ALKBH8: variants seen among roughly 807,000 people sequenced by gnomAD.
ALKBH8 encodes the protein tRNA (carboxymethyluridine(34)-5-O)-methyltransferase ALKBH8.
In ALKBH8, 36 loss-of-function variants were observed where a neutral mutation model predicts 59.8. The observed-to-expected ratio is 0.60, with a 90% CI of 0.46 to 0.79. The LOEUF is 0.79. Among genes scored for constraint, ALKBH8 ranks in the 30% least tolerant of loss-of-function variants. The probability of loss-of-function intolerance (pLI) is 0.00; values close to 1 mark genes in which losing one functional copy is unlikely to be tolerated. For synonymous variants in ALKBH8, 276 were observed against 273.6 expected (o/e 1.01, Z -0.09); for missense variants, 768 against 801.0 (o/e 0.96, Z 0.50).
In ALKBH8 at chr11:107,504,558, C is replaced by A; in HGVS notation, c.*100G>T. The A allele has an allele frequency of 3.4e-6, 5 of 1,449,558 alleles. No individual in the cohort carries two copies. The highest frequency in any genetic ancestry group is 4.7e-6 in the Non-Finnish European group (5 of 1,060,312). 89.8% of individuals were successfully genotyped at this position (1,449,558 alleles called of 1,614,324 possible). A position where few individuals can be genotyped will look rare whatever the true frequency, so the allele number is the denominator to read the frequency against. ...TTTCTCAGCTTTCCTTTGGTACTTT[C>A]CCACAAGTTTTCTCTTTAATTAAAA... On this transcript the variant is annotated 3_prime_UTR_variant, in exon 12 of 12. Transcript: ENST00000428149.
intron 11 of ALKBH8, among the ~76,000 whole-genome samples, chr11:107,505,766 G>A (rs780591118): frequency 6.6e-6 from 1 of 152,102 alleles, no homozygotes; most frequent in Non-Finnish European, 1.5e-5. Context: ...GCCAAGGTGA[G>A]CTCTAGATTC....
chr11:107,514,500 A>G (rs1389514818), intron 10 of ALKBH8, among the ~76,000 whole-genome samples: 2 of 152,192 alleles, frequency 1.3e-5, no homozygotes, highest in African/African-American at 2.4e-5. Context: ...TCTTTAATAT[A>G]TTTTAAGATA....
rs183627082 is a variant in ALKBH8, at chr11:107,510,904, G to T, written c.1420C>A (p.His474Asn). 3.7e-3 allele frequency: 5,757 copies of T among 1,551,404 alleles called. 9 individuals are homozygous for T. The highest frequency in any genetic ancestry group is 4.4e-3 in the Non-Finnish European group (5,093 of 1,146,840). ...CDACISIAVI[H>N]HFATAERRVA... ...ATACTTACTGCTGTTGCAAAATGATGAATAACAGCAATGGAGATGCAGGCA... is the reference window on the plus strand; with the variant it reads ...ATACTTACTGCTGTTGCAAAATGATTAATAACAGCAATGGAGATGCAGGCA... The change falls in exon 11 of 12, where the codon CAT becomes AAT. Residue 474 changes from histidine to asparagine, a missense_variant. Coordinates refer to ENST00000428149, the MANE Select transcript of ALKBH8 (RefSeq NM_138775.3).
At position 107,543,276 on chromosome 11, in the gene ALKBH8, A is replaced by G. The variant is rs577772780; in HGVS notation, c.771+6477T>C. The stretch of plus-strand genomic sequence containing the variant: ...GCTTGAACCCGGAGGCGGAGGTTGC[A>G]GTGAGCCAAGATCACACCACTGCAC... On this transcript the variant is annotated intron_variant, in intron 7 of 11. Coordinates refer to ENST00000428149, the MANE Select transcript of ALKBH8 (RefSeq NM_138775.3). Among the ~76,000 whole-genome samples, 3 of 152,200 alleles carry G rather than the reference A, an allele frequency of 2.0e-5. No individual in the cohort carries two copies. The East Asian group carries it at 5.8e-4, about 30-fold the overall frequency.
intron 5 of ALKBH8, among the ~76,000 whole-genome samples, chr11:107,552,270 T>C (rs1864529333): frequency 2.0e-5 from 3 of 151,838 alleles, no homozygotes; most frequent in Non-Finnish European, 1.5e-5. Context: ...TTTTAAATTA[T>C]TTCCCTTAAA....
At chr11:107,529,828 G>A (rs1014218409) in intron 8 of ALKBH8, among the ~76,000 whole-genome samples, 1 of 151,954 alleles carries the variant, frequency 6.6e-6, no homozygotes, top group Non-Finnish European at 1.5e-5. Context: ...ATACAGACAC[G>A]AGTTCAAGAA....
At chr11:107,506,398 T>G (rs1728905) in intron 11 of ALKBH8, among the ~76,000 whole-genome samples, 1 of 151,452 alleles carries the variant, frequency 6.6e-6, no homozygotes, top group South Asian at 2.1e-4. Flanking sequence ...ACCAAAGGAC[T>G]GAAAAACAGA....
At chr11:107,555,954 C>T (rs1025056366) in intron 3 of ALKBH8, among the ~76,000 whole-genome samples, 2 of 152,158 alleles carry the variant, frequency 1.3e-5, no homozygotes, top group African/African-American at 2.4e-5. Flanking sequence ...TCTACCATCA[C>T]AGGAAGTTCT....
chr11:107,535,377 TAA>T (rs1490583301), intron 7 of ALKBH8, among the ~76,000 whole-genome samples: 2 of 152,222 alleles, frequency 1.3e-5, no homozygotes, highest in Non-Finnish European at 2.9e-5. Flanking sequence ...ACCAATAGTG[TAA>T]AAGTGTTCCC....
At chr11:107,526,020 C>A (rs1863338460) in intron 8 of ALKBH8, among the ~76,000 whole-genome samples, 1 of 151,966 alleles carries the variant, frequency 6.6e-6, no homozygotes, top group African/African-American at 2.4e-5. Flanking sequence ...ATGGTAATTA[C>A]AAGTCCACAG....
intron 8 of ALKBH8, among the ~76,000 whole-genome samples, chr11:107,527,696 T>C (rs1357451247): frequency 6.6e-6 from 1 of 152,068 alleles, no homozygotes; most frequent in Non-Finnish European, 1.5e-5. Context: ...AATTCACTTA[T>C]TAGTTCTGGA....
chr11:107,550,792 C>T (rs927776380), intron 6 of ALKBH8, among the ~76,000 whole-genome samples: 1 of 152,186 alleles, frequency 6.6e-6, no homozygotes, highest in African/African-American at 2.4e-5. Context: ...GAAGCTCGCT[C>T]TCTCTCCATG....
intron 7 of ALKBH8, among the ~76,000 whole-genome samples, chr11:107,544,862 A>C (rs1342213477): frequency 2.2e-5 from 3 of 136,122 alleles, no homozygotes; most frequent in Non-Finnish European, 4.9e-5. Context: ...CACACACACA[A>C]AGAAGGAGAA....
intron 1 of ALKBH8, among the ~76,000 whole-genome samples, chr11:107,561,171 T>G (rs1024186577): frequency 1.3e-5 from 2 of 152,172 alleles, no homozygotes; most frequent in African/African-American, 2.4e-5. Context: ...TCATAGGTGA[T>G]GAATTCTTTA....
chr11:107,522,383 C>T lies in ALKBH8; in HGVS notation c.1203G>A (p.Leu401=). The T allele has an allele frequency of 6.4e-7, 1 of 1,551,712 alleles. No homozygotes were observed. The highest frequency in any genetic ancestry group is 1.2e-5 in the South Asian group (1 of 84,064). ...CTATTGAACCACTTGGCAAAGCCTT[C>T]AAAAACTCCACAATGTGCGGCCAAG... ...HTPWPHIVEF[L]KALPSGSIVA... The change falls in exon 10 of 12, where the codon TTG becomes TTA. Residue 401 remains leucine (L), a synonymous_variant. Coordinates refer to ENST00000428149, the MANE Select transcript of ALKBH8 (RefSeq NM_138775.3).
intron 11 of ALKBH8, among the ~76,000 whole-genome samples, chr11:107,507,452 G>A (rs1007211163): frequency 6.6e-6 from 1 of 151,938 alleles, no homozygotes. Flanking sequence ...GGGAAATATC[G>A]GGAAATTAAG....
intron 8 of ALKBH8, among the ~76,000 whole-genome samples, chr11:107,530,056 T>A (rs1159938858): frequency 6.6e-6 from 1 of 152,144 alleles, no homozygotes; most frequent in Non-Finnish European, 1.5e-5. Flanking sequence ...ATCTTCTCAA[T>A]TTTCAAGAGA....
chr11:107,557,097 T>G (rs1368957958), intron 2 of ALKBH8, 94 bp from the exon 3 acceptor site: 3 of 931,332 alleles, frequency 3.2e-6, no homozygotes, highest in Non-Finnish European at 4.5e-6. Flanking sequence ...AAAAAAGATG[T>G]AATTAAGAAA....
Position 107,551,738 on chromosome 11 carries a change from C to T in ALKBH8, c.700+70G>A, listed in dbSNP as rs73553691. 4.5e-3 allele frequency: 2,657 copies of T among 594,364 alleles called. 51 individuals are homozygous for T. In the African/African-American group the frequency reaches 0.045, roughly 10 times the overall value. 36.8% of individuals were successfully genotyped at this position (594,364 alleles called of 1,614,324 possible). ...ATAATAATAATAATAATATATCTGC[C>T]CTTAGAGAATTATATCATCTACTCA... On this transcript the variant is annotated intron_variant, in intron 6 of 11. Transcript: ENST00000428149.
Sources: allele counts gnomAD v4.1 joint callset (sites outside exome capture counted in the v4.1 genomes callset), GRCh38; gene constraint gnomAD v4.1.1; transcripts MANE v1.5; gene names NCBI Gene and HGNC (gene_info 2026-07-23, HGNC 2026-07-21).